The following HSPA14 variants were observed in gnomAD, a reference collection of about 807,000 sequenced individuals.
The protein encoded by HSPA14 is heat shock 70 kDa protein 14.
In HSPA14, 37 loss-of-function variants were observed where a neutral mutation model predicts 65.5. That is an observed-to-expected ratio of 0.56 (90% CI 0.43 to 0.74). HSPA14 has a LOEUF of 0.74. Among genes scored for constraint, HSPA14 ranks in the 30% least tolerant of loss-of-function variants. HSPA14 has a pLI of 0.00. For synonymous variants in HSPA14, 203 were observed against 214.2 expected (o/e 0.95, Z 0.46); for missense variants, 564 against 607.6 (o/e 0.93, Z 0.75).
At position 14,867,861 on chromosome 10, in the gene HSPA14, T is replaced by C. The variant is rs143759762; in HGVS notation, c.1332T>C (p.Tyr444=). The stretch of plus-strand genomic sequence containing the variant: ...TATCTTCAGTGTGCCTTGAACTCTA[T>C]GAGTCTGATGGGAAGAACTCTGCCA... ...GSISSVCLEL[Y]ESDGKNSAKE... The change falls in exon 12 of 14, where the codon TAT becomes TAC. Residue 444 remains tyrosine, a synonymous_variant. Coordinates refer to ENST00000378372, the MANE Select transcript of HSPA14 (RefSeq NM_016299.4). 2.2e-5 allele frequency: 36 copies of C among 1,613,992 alleles called. No homozygotes were observed. The highest frequency in any genetic ancestry group is 2.9e-5 in the Non-Finnish European group (34 of 1,180,016).
chr10:14,847,141 C>A, intron 3 of HSPA14: 1 of 500,672 alleles, frequency 2.0e-6, no homozygotes, highest in Non-Finnish European at 2.6e-6. Context: ...CAGAGGAGAG[C>A]GGCCCTCTTT....
chr10:14,856,539 T>G (rs897178672), intron 10 of HSPA14, among the ~76,000 whole-genome samples: 8 of 152,202 alleles, frequency 5.3e-5, no homozygotes, highest in African/African-American at 1.9e-4. Flanking sequence ...CCCAAAATTA[T>G]TTCTCTTCAT....
At chr10:14,861,429 G>C (rs772453887) in intron 10 of HSPA14, among the ~76,000 whole-genome samples, 1 of 152,096 alleles carries the variant, frequency 6.6e-6, no homozygotes, top group Non-Finnish European at 1.5e-5. Context: ...AGGCTCAAGC[G>C]ACCCTCCCGC....
In HSPA14 at chr10:14,867,212, G is replaced by T. The variant is rs890396916; in HGVS notation, c.1123G>T (p.Ala375Ser). ...EVIPIGAAIEAGILIGKENLL... is the reference protein window; with the variant it reads ...EVIPIGAAIESGILIGKENLL... ...GATCCCTATTGGTGCAGCTATAGAAGCAGGAATTCTTATTGGGAAAGAAAA... is the reference window on the plus strand; with the variant it reads ...GATCCCTATTGGTGCAGCTATAGAATCAGGAATTCTTATTGGGAAAGAAAA... Residue 375 changes from alanine to serine, a missense_variant, in exon 11 of 14, where the codon GCA (alanine) becomes TCA (serine). Physicochemically the swap from Ala to Ser is moderately conservative, Grantham distance 99. Transcript: ENST00000378372. The T allele has an allele frequency of 1.2e-5, 20 of 1,613,478 alleles. No homozygotes were observed. The highest frequency in any genetic ancestry group is 1.6e-5 in the Non-Finnish European group (19 of 1,179,500).
chr10:14,847,243 A>G (rs1158284857), intron 3 of HSPA14, among the ~76,000 whole-genome samples: 1 of 152,238 alleles, frequency 6.6e-6, no homozygotes, highest in Non-Finnish European at 1.5e-5. Context: ...TCTGGGTGGT[A>G]GACAACCTAC....
In HSPA14 at chr10:14,870,603, C is replaced by T. The variant is rs1373988657; in HGVS notation, c.1387C>T (p.Leu463Phe). Residue 463 changes from leucine to phenylalanine, a missense_variant, in exon 13 of 14, where the codon CTC (leucine) becomes TTC (phenylalanine). Leu to Phe is a conservative substitution (Grantham distance 22). Coordinates refer to ENST00000378372, the MANE Select transcript of HSPA14 (RefSeq NM_016299.4). ...KEETKFAQVV[L>F]QDLDKKENGL... ...ATTGTTCTTGTATAAACAGGTTGTA[C>T]TCCAGGATTTAGATAAAAAAGAAAA... is the stretch of plus-strand genomic sequence containing the variant. 2.5e-6 allele frequency: 4 copies of T among 1,584,118 alleles called. No individual in the cohort carries two copies. The highest frequency in any genetic ancestry group is 3.4e-6 in the Non-Finnish European group (4 of 1,160,088).
At chr10:14,848,939 T>G (rs1834086910) in intron 5 of HSPA14, 44 bp downstream of exon 5, 1 of 1,077,664 alleles carries the variant, frequency 9.3e-7, no homozygotes, top group African/African-American at 1.6e-5. Context: ...AATGATCTTT[T>G]GAAAGTTGAC....
At chr10:14,857,526 G>A (rs1205935147) in intron 10 of HSPA14, among the ~76,000 whole-genome samples, 2 of 151,976 alleles carry the variant, frequency 1.3e-5, no homozygotes, top group African/African-American at 4.8e-5. Flanking sequence ...TTTTTTAAAT[G>A]TTTATTTAAT....
intron 10 of HSPA14, among the ~76,000 whole-genome samples, chr10:14,857,961 G>A (rs1832722010): frequency 6.6e-6 from 1 of 151,948 alleles, no homozygotes; most frequent in Non-Finnish European, 1.5e-5. Context: ...TGAAGGCTGG[G>A]AGGCGGATTG....
chr10:14,844,698 A>G, intron 3 of HSPA14: 1 of 971,478 alleles, frequency 1.0e-6, no homozygotes, highest in Non-Finnish European at 1.2e-6. Context: ...TCAATATAAA[A>G]TACTGGCCAT....
chr10:14,865,643 GTAT>G (rs1464110043), intron 10 of HSPA14, among the ~76,000 whole-genome samples: 1 of 152,068 alleles, frequency 6.6e-6, no homozygotes, highest in Non-Finnish European at 1.5e-5. Context: ...TAGATGTGTG[GTAT>G]TATTTCTGAG....
chr10:14,840,011 T>C (rs775668086), intron 2 of HSPA14, 26 bp downstream of exon 2: 1 of 1,552,932 alleles, frequency 6.4e-7, no homozygotes, highest in South Asian at 1.2e-5. Flanking sequence ...TTTTTGTACT[T>C]CTGAAATAAT....
chr10:14,861,298 G>C (rs1335468789), intron 10 of HSPA14, among the ~76,000 whole-genome samples: 1 of 152,136 alleles, frequency 6.6e-6, no homozygotes, highest in East Asian at 1.9e-4. Flanking sequence ...TGTCCCTTTT[G>C]TTTGAGACTC....
At chr10:14,858,596 C>T (rs766579426) in intron 10 of HSPA14, among the ~76,000 whole-genome samples, 12 of 152,092 alleles carry the variant, frequency 7.9e-5, no homozygotes, top group Admixed American at 5.2e-4. Flanking sequence ...CCTGGGCCTT[C>T]GATTAGATAG....
intron 12 of HSPA14, among the ~76,000 whole-genome samples, chr10:14,869,384 C>T (rs1832835550): frequency 6.6e-6 from 1 of 151,878 alleles, no homozygotes; most frequent in Non-Finnish European, 1.5e-5. Context: ...GCAACCTCCA[C>T]CTCCCGGGTT....
chr10:14,846,065 T>C (rs1011890335), intron 3 of HSPA14: 1 of 977,196 alleles, frequency 1.0e-6, no homozygotes, highest in Non-Finnish European at 1.2e-6. Flanking sequence ...CATTCTGTGG[T>C]ATTAATATTT....
chr10:14,848,470 T>C (rs1371426510), intron 3 of HSPA14, 139 bp from the exon 4 acceptor site: 2 of 572,898 alleles, frequency 3.5e-6, no homozygotes, highest in Non-Finnish European at 3.1e-6. Flanking sequence ...TGAAGACTTT[T>C]AGTATTAAGC....
At chr10:14,843,847 G>A (rs1440505721) in intron 3 of HSPA14, 2 of 1,536,368 alleles carry the variant, frequency 1.3e-6, no homozygotes, top group East Asian at 4.9e-5. Context: ...TTTTCAGCTA[G>A]GCCTTGAAAA....
chr10:14,844,306 A>G (rs1203631280), intron 3 of HSPA14: 19 of 1,077,780 alleles, frequency 1.8e-5, no homozygotes, highest in Non-Finnish European at 2.0e-5. Context: ...AAAGCACTGT[A>G]CACATTTAAG....
Sources: gnomAD v4.1 joint callset for allele counts (sites outside exome capture counted in the v4.1 genomes callset) on GRCh38, gnomAD v4.1.1 for gene constraint, MANE v1.5 for transcripts, NCBI Gene and HGNC (gene_info 2026-07-23, HGNC 2026-07-21) for gene names.